LEPR: variants seen among roughly 807,000 people sequenced by gnomAD.
LEPR encodes leptin receptor.
LEPR carries 56 observed loss-of-function variants against 114.7 expected under a neutral mutation model. The observed-to-expected ratio is 0.49, with a 90% CI of 0.39 to 0.61. The LOEUF (loss-of-function observed/expected upper bound fraction) is 0.61. LEPR is among the 20% of genes least tolerant of loss of function. The pLI is 0.00. For missense variants in LEPR, 1,202 were observed against 1,352.9 expected, an observed-to-expected ratio of 0.89 and a Z score of 1.75; for synonymous variants, 443 against 461.4, an observed-to-expected ratio of 0.96 and a Z score of 0.51.
At chr1:65,620,728 C>T (rs1005651784) in intron 17 of LEPR, among the ~76,000 whole-genome samples, 9 of 152,106 alleles carry the variant, frequency 5.9e-5, no homozygotes, top group Non-Finnish European at 7.4e-5. Context: ...ACATGAACTA[C>T]AGGAGGTCCT....
chr1:65,479,632 C>T (rs1647196341), intron 2 of LEPR, among the ~76,000 whole-genome samples: 1 of 152,124 alleles, frequency 6.6e-6, no homozygotes, highest in African/African-American at 2.4e-5. Context: ...TTTGAGGAAG[C>T]CCTGTATGCC....
At chr1:65,453,800 G>A (rs1056833983) in intron 2 of LEPR, among the ~76,000 whole-genome samples, 3 of 152,012 alleles carry the variant, frequency 2.0e-5, no homozygotes, top group Admixed American at 6.6e-5. Context: ...TATTAGGTCC[G>A]CTTGGTGCAG....
chr1:65,542,570 C>T (rs988796430), intron 2 of LEPR, among the ~76,000 whole-genome samples: 1 of 151,700 alleles, frequency 6.6e-6, no homozygotes, highest in African/African-American at 2.4e-5. Flanking sequence ...CCCATCAACC[C>T]GTCACCTACA....
rs1236183142 is a variant in LEPR at position 65,537,645 on chromosome 1, C to T, written c.-20-27901C>T. 5.9e-5 allele frequency among the ~76,000 whole-genome samples: 9 copies of T among 152,048 alleles called. 1 individual carries two copies. Among genetic ancestry groups the T allele is most frequent in the Admixed American group, 5.9e-4 (9 of 15,262 alleles). ...AACTACAGACAGTTTCTCTTGAACC[C>T]CTGCTTCATGAGTTTGGGATATTTC... On this transcript the variant is annotated intron_variant, in intron 2 of 19. Coordinates refer to ENST00000349533, the MANE Select transcript of LEPR (RefSeq NM_002303.6).
chr1:65,455,624 A>G (rs1484929176), intron 2 of LEPR, among the ~76,000 whole-genome samples: 1 of 152,116 alleles, frequency 6.6e-6, no homozygotes, highest in Non-Finnish European at 1.5e-5. Flanking sequence ...CCACTTGAGG[A>G]GGCAGTCTGT....
At chr1:65,636,158 T>A in intron 19 of LEPR, 33 bp from the exon 20 acceptor site, 2 of 1,612,800 alleles carry the variant, frequency 1.2e-6, no homozygotes, top group Non-Finnish European at 1.7e-6. Flanking sequence ...TTTTTTAACA[T>A]AATTGAGCCT....
At chr1:65,571,874 G>A (rs1654200978) in intron 4 of LEPR, among the ~76,000 whole-genome samples, 1 of 144,670 alleles carries the variant, frequency 6.9e-6, no homozygotes, top group African/African-American at 2.6e-5. Flanking sequence ...GGAGACTGAG[G>A]TGGGAAGATT....
rs937891871 is a variant in LEPR, at chr1:65,455,208, C to A, written c.-21+29830C>A. The stretch of plus-strand genomic sequence containing the variant: ...TCTAAACTTTTTTCAAAGTTTTCAA[C>A]TTCTTTGCCTTTGGTTTGAATTTCC... On this transcript the variant is annotated intron_variant, in intron 2 of 19. Coordinates refer to ENST00000349533, the MANE Select transcript of LEPR (RefSeq NM_002303.6). Among the ~76,000 whole-genome samples the A allele has an allele frequency of 6.2e-4, 95 of 152,296 alleles. No individual in the cohort carries two copies. In the Middle Eastern group the frequency reaches 0.017, roughly 27 times the overall value.
chr1:65,596,923 A>G (rs1656103365), intron 7 of LEPR, among the ~76,000 whole-genome samples: 1 of 152,060 alleles, frequency 6.6e-6, no homozygotes, highest in South Asian at 2.1e-4. Context: ...TTGGCTAATC[A>G]TTAGTCGAGC....
chr1:65,635,003 T>A (rs1658667035), intron 19 of LEPR: 14 of 820,198 alleles, frequency 1.7e-5, no homozygotes, highest in Non-Finnish European at 1.9e-5. Flanking sequence ...GTCTATTCCA[T>A]TATTATATTT....
At chr1:65,454,923 T>A (rs1041648716) in intron 2 of LEPR, among the ~76,000 whole-genome samples, 2 of 152,216 alleles carry the variant, frequency 1.3e-5, no homozygotes, top group Admixed American at 1.3e-4. Context: ...GGTACACCAA[T>A]CAGACGTAGA....
chr1:65,548,496 A>G (rs1651974301), intron 2 of LEPR, among the ~76,000 whole-genome samples: 1 of 152,078 alleles, frequency 6.6e-6, no homozygotes, highest in African/African-American at 2.4e-5. Context: ...GTGCTCCTGT[A>G]TTGGGTGCAT....
intron 2 of LEPR, among the ~76,000 whole-genome samples, chr1:65,491,463 T>G (rs1432979164): frequency 1.3e-5 from 2 of 152,144 alleles, no homozygotes; most frequent in Non-Finnish European, 2.9e-5. Context: ...ATACCCACTA[T>G]TGCTAAGTGA....
intron 2 of LEPR, among the ~76,000 whole-genome samples, chr1:65,471,109 A>G (rs1174273040): frequency 6.6e-6 from 1 of 152,242 alleles, no homozygotes; most frequent in Non-Finnish European, 1.5e-5. Context: ...TTATGTGATA[A>G]TCAAACTTCC....
intron 2 of LEPR, among the ~76,000 whole-genome samples, chr1:65,452,308 A>C (rs1646797253): frequency 6.6e-6 from 1 of 150,686 alleles, no homozygotes; most frequent in Non-Finnish European, 1.5e-5. Flanking sequence ...AGAACTTCCA[A>C]CACTATGTTG....
intron 7 of LEPR, among the ~76,000 whole-genome samples, chr1:65,598,297 C>T (rs1018759297): frequency 2.6e-5 from 4 of 151,852 alleles, no homozygotes; most frequent in Admixed American, 6.6e-5. Flanking sequence ...TCTTTGTCTA[C>T]CCCTGCACAG....
intron 2 of LEPR, among the ~76,000 whole-genome samples, chr1:65,426,493 A>ACTGCAGTCAGG (rs1646373409): frequency 6.6e-6 from 1 of 152,142 alleles, no homozygotes; most frequent in African/African-American, 2.4e-5. Context: ...TAGATAGGAA[A>ACTGCAGTCAGG]GAGCTGAGAC....
intron 2 of LEPR, among the ~76,000 whole-genome samples, chr1:65,550,148 G>T (rs1652183216): frequency 1.3e-5 from 2 of 152,194 alleles, no homozygotes; most frequent in South Asian, 4.1e-4. Flanking sequence ...AACCGCGAAT[G>T]CTGCTGTCTG....
rs572203772 is a variant in LEPR, at chr1:65,618,333, T to TCTTC, written c.2395+187_2395+188insCTTC. ...TCTTCCTCTTCTCTTCTCTTCTCTTTTCTTTTCTTTTCGGCAGGGTCTCTC... is the reference window on the plus strand; with the variant it reads ...TCTTCCTCTTCTCTTCTCTTCTCTTTCTTCTCTTTTCTTTTCGGCAGGGTCTCTC... On this transcript the variant is annotated intron_variant, in intron 16 of 19. Transcript: ENST00000349533. Among the ~76,000 whole-genome samples the TCTTC allele has an allele frequency of 0.23, 29,797 of 128,724 alleles. 3,646 individuals are homozygous for TCTTC. Among genetic ancestry groups the TCTTC allele is most frequent in the East Asian group, 0.59 (2,930 of 4,950 alleles). 84.4% of individuals were successfully genotyped at this position (128,724 alleles called of 152,430 possible). A position where few individuals can be genotyped will look rare whatever the true frequency, so the allele number is the denominator to read the frequency against.
Sources: gnomAD v4.1 joint callset for allele counts (sites outside exome capture counted in the v4.1 genomes callset) on GRCh38, gnomAD v4.1.1 for gene constraint, MANE v1.5 for transcripts, NCBI Gene and HGNC (gene_info 2026-07-23, HGNC 2026-07-21) for gene names.